PAPPA: variants seen among roughly 807,000 people sequenced by gnomAD.
The protein encoded by PAPPA is pappalysin 1.
Under a neutral mutation model 164.0 loss-of-function variants are expected in PAPPA, and 60 were observed. The observed-to-expected ratio is 0.37, with a 90% confidence interval of 0.30 to 0.45. The LOEUF (loss-of-function observed/expected upper bound fraction) is 0.45, where lower values mean the gene tolerates loss of function less well. Among genes scored for constraint, PAPPA ranks in the 20% least tolerant of loss-of-function variants. The probability of loss-of-function intolerance (pLI) is 1.00; values close to 1 mark genes in which losing one functional copy is unlikely to be tolerated. For synonymous variants in PAPPA, 875 were observed against 814.1 expected (o/e 1.07, Z -1.27); for missense variants, 1,782 against 2,087.3 (o/e 0.85, Z 2.85).
intron 21 of PAPPA, among the ~76,000 whole-genome samples, chr9:116,385,923 G>C (rs745887344): frequency 3.9e-4 from 60 of 152,192 alleles, no homozygotes; most frequent in Middle Eastern, 3.2e-3. Flanking sequence ...AATTACTTTT[G>C]TGGAAGAGGC....
chr9:116,241,927 C>T (rs548868491), intron 7 of PAPPA, among the ~76,000 whole-genome samples: 1 of 152,148 alleles, frequency 6.6e-6, no homozygotes, highest in African/African-American at 2.4e-5. Flanking sequence ...CTCACCTTGT[C>T]ATCCATCCTT....
chr9:116,379,752 C>T (rs566167295), intron 20 of PAPPA, among the ~76,000 whole-genome samples: 21 of 152,168 alleles, frequency 1.4e-4, no homozygotes, highest in Non-Finnish European at 2.8e-4. Context: ...ATCACAAAAT[C>T]AAATACAAGA....
At chr9:116,359,965 G>A (rs1261832616) in intron 17 of PAPPA, among the ~76,000 whole-genome samples, 2 of 152,230 alleles carry the variant, frequency 1.3e-5, no homozygotes, top group African/African-American at 2.4e-5. Flanking sequence ...GAACTGGGCA[G>A]GAGAGAGATA....
intron 18 of PAPPA, among the ~76,000 whole-genome samples, chr9:116,364,768 G>T (rs1214651156): frequency 1.3e-5 from 2 of 152,194 alleles, no homozygotes; most frequent in Non-Finnish European, 2.9e-5. Context: ...AGAGGGGAAG[G>T]GGTGGGAGGG....
intron 9 of PAPPA, among the ~76,000 whole-genome samples, chr9:116,274,603 G>C (rs1343749568): frequency 6.6e-6 from 1 of 152,164 alleles, no homozygotes; most frequent in African/African-American, 2.4e-5. Context: ...TGTAACTTTG[G>C]CTAAGCCTCA....
chr9:116,185,550 C>T (rs1057461045), intron 1 of PAPPA, among the ~76,000 whole-genome samples: 26 of 152,200 alleles, frequency 1.7e-4, no homozygotes, highest in African/African-American at 6.3e-4. Context: ...AGAGTAGTCA[C>T]TGTCCTTCTA....
Position 116,207,468 on chromosome 9 carries a change from T to G in PAPPA, c.1491T>G (p.Asp497Glu). ...TTTTCTGTTTCAGAGCCTACTTGGA[T>G]GTTAATGAGCTGAAGAACATTCTTA... is the stretch of plus-strand genomic sequence containing the variant. ...DPDSPHRAYL[D>E]VNELKNILKL... Residue 497 changes from aspartate to glutamate, a missense_variant, in exon 3 of 22, where the codon GAT becomes GAG. Physicochemically the swap from Asp to Glu is conservative, Grantham distance 45 (BLOSUM62 2). Around this residue, in one of 2 missense-constraint regions of PAPPA, gnomAD observed 1,324 missense variants for 1,656.9 expected, o/e 0.80. Coordinates refer to ENST00000328252, the MANE Select transcript of PAPPA (RefSeq NM_002581.5). 1.2e-6 allele frequency: 2 copies of G among 1,611,548 alleles called. No individual in the cohort carries two copies. Among genetic ancestry groups the G allele is most frequent in the Non-Finnish European group, 1.7e-6 (2 of 1,178,722 alleles).
chr9:116,382,543 C>G (rs771565141), intron 21 of PAPPA, 50 bp downstream of exon 21: 1 of 1,101,522 alleles, frequency 9.1e-7, no homozygotes, highest in Non-Finnish European at 1.4e-6. Context: ...ACTTCTCCAG[C>G]TTGTGGGGCC....
Position 116,397,272 on chromosome 9 carries a change from C to T in PAPPA, c.*656C>T, listed in dbSNP as rs1280462095. 3.9e-5 allele frequency: 6 copies of T among 152,610 alleles called. No individual in the cohort carries two copies. The highest frequency in any genetic ancestry group is 2.0e-4 in the Admixed American group (3 of 15,274). The allele number at this position is 152,610 out of a possible 1,614,324, so 9.5% of individuals were successfully genotyped here. On this transcript the variant is annotated 3_prime_UTR_variant, in exon 22 of 22. Transcript: ENST00000328252. Reference sequence around the variant, plus strand: ...AAAGATTATCAGGTATGCAAAGCGCCCCAATTCTTCTGCTGCCATGGGGGA... The same window carrying T: ...AAAGATTATCAGGTATGCAAAGCGCTCCAATTCTTCTGCTGCCATGGGGGA...
chr9:116,302,600 T>C (rs1352416262), intron 9 of PAPPA, among the ~76,000 whole-genome samples, 157 bp from the exon 10 acceptor site: 1 of 152,220 alleles, frequency 6.6e-6, no homozygotes, highest in East Asian at 1.9e-4. Context: ...TTTCCTTCTT[T>C]TTTTTTCAAG....
At chr9:116,338,968 C>G (rs1399465788) in intron 13 of PAPPA, among the ~76,000 whole-genome samples, 1 of 152,162 alleles carries the variant, frequency 6.6e-6, no homozygotes, top group Non-Finnish European at 1.5e-5. Flanking sequence ...TTTCCTGGTT[C>G]TGTGCCCTCA....
intron 3 of PAPPA, among the ~76,000 whole-genome samples, chr9:116,209,248 G>A (rs945356017): frequency 6.6e-6 from 1 of 152,132 alleles, no homozygotes; most frequent in African/African-American, 2.4e-5. Context: ...TGCTAGACTA[G>A]AGCCAAAATT....
chr9:116,380,857 A>C (rs1846721763), intron 20 of PAPPA, among the ~76,000 whole-genome samples: 1 of 152,192 alleles, frequency 6.6e-6, no homozygotes, highest in Admixed American at 6.5e-5. Context: ...AGAGAGGCAA[A>C]AGCCAGGAAT....
chr9:116,204,916 A>G (rs1407520487), intron 2 of PAPPA, among the ~76,000 whole-genome samples: 2 of 152,088 alleles, frequency 1.3e-5, no homozygotes, highest in African/African-American at 4.8e-5. Flanking sequence ...AATCCTTTCA[A>G]GGCATAGGGG....
chr9:116,241,616 A>G (rs1844736595), intron 7 of PAPPA, among the ~76,000 whole-genome samples: 1 of 152,214 alleles, frequency 6.6e-6, no homozygotes, highest in South Asian at 2.1e-4. Context: ...AAAATTTATG[A>G]CACTTAAATG....
intron 9 of PAPPA, among the ~76,000 whole-genome samples, chr9:116,275,371 C>A (rs904213637): frequency 3.3e-5 from 5 of 152,260 alleles, no homozygotes; most frequent in African/African-American, 9.6e-5. Context: ...TTTATGGATA[C>A]CCACTAGGTG....
At chr9:116,327,195 G>T (rs1845931508) in intron 10 of PAPPA, among the ~76,000 whole-genome samples, 1 of 152,182 alleles carries the variant, frequency 6.6e-6, no homozygotes, top group African/African-American at 2.4e-5. Context: ...TGTGAAAGGA[G>T]GGACCAGGTC....
At chr9:116,338,843 T>A (rs1376474730) in intron 13 of PAPPA, among the ~76,000 whole-genome samples, 1 of 152,216 alleles carries the variant, frequency 6.6e-6, no homozygotes, top group Admixed American at 6.5e-5. Context: ...TGCTTGAGAT[T>A]ACCAAGACAA....
At chr9:116,336,353 T>C (rs1417152294) in intron 13 of PAPPA, among the ~76,000 whole-genome samples, 2 of 152,248 alleles carry the variant, frequency 1.3e-5, no homozygotes, top group Non-Finnish European at 2.9e-5. Flanking sequence ...CTCTAGCTTC[T>C]GTTGTGCAAA....
Sources: allele counts gnomAD v4.1 joint callset (sites outside exome capture counted in the v4.1 genomes callset), GRCh38; gene constraint gnomAD v4.1.1; regional missense constraint gnomAD v4.1.1; transcripts MANE v1.5; gene names NCBI Gene and HGNC (gene_info 2026-07-23, HGNC 2026-07-21).